Variants in ROCK2 observed in about 807,000 individuals in gnomAD.
The protein encoded by ROCK2 is Rho associated coiled-coil containing protein kinase 2, also known as rho-associated protein kinase 2.
ROCK2 carries 61 observed loss-of-function variants against 195.1 expected under a neutral mutation model. The ratio of observed to expected loss-of-function variants is 0.31; its 90% confidence interval spans 0.25 to 0.39. The LOEUF is 0.39. Among genes scored for constraint, ROCK2 ranks in the 10% least tolerant of loss-of-function variants. ROCK2 has a pLI of 1.00. For synonymous variants in ROCK2, 504 were observed against 545.5 expected (o/e 0.92, Z 1.06); for missense variants, 1,109 against 1,637.4 (o/e 0.68, Z 5.57).
Position 11,192,137 on chromosome 2 carries a change from T to C in ROCK2, c.4163+11A>G, listed in dbSNP as rs748181951. Reference sequence around the variant, plus strand: ...CTTTTTTTTTTTCCTTACCACATTTTAGTTTATTACCTAGGTTTGTTTGGG... The same window carrying C: ...CTTTTTTTTTTTCCTTACCACATTTCAGTTTATTACCTAGGTTTGTTTGGG... On this transcript the variant is annotated intron_variant, in intron 32 of 32. Transcript: ENST00000315872. This position sits in a 1 kb window ranked among gnomAD's most constrained non-coding sequence, Gnocchi z 5.0. 6.5e-7 allele frequency: 1 copy of C among 1,543,568 alleles called. No homozygotes were observed. The highest frequency in any genetic ancestry group is 2.3e-5 in the East Asian group (1 of 44,158).
In ROCK2 at chr2:11,235,352, G is replaced by A. The variant is rs555027437; in HGVS notation, c.723+350C>T. ...AAAAAATGCAGAAGTAACAATGGTG[G>A]TGAAAATACCTATTTACCTTAATTT... On this transcript the variant is annotated intron_variant, in intron 5 of 32. Coordinates refer to ENST00000315872, the MANE Select transcript of ROCK2 (RefSeq NM_004850.5). The surrounding 1 kb of genome is among the most constrained non-coding windows in gnomAD (Gnocchi z 4.2). Among the ~76,000 whole-genome samples, 1 of 152,106 alleles carries A rather than the reference G, an allele frequency of 6.6e-6. No homozygotes were observed. Among genetic ancestry groups the A allele is most frequent in the Non-Finnish European group, 1.5e-5 (1 of 67,988 alleles).
intron 1 of ROCK2, chr2:11,308,172 C>G: frequency 6.3e-7 from 1 of 1,598,834 alleles, no homozygotes; most frequent in Non-Finnish European, 8.6e-7. Flanking sequence ...CCAAGCTCAA[C>G]ACAATAATTC....
chr2:11,259,312 T>C (rs1336763085), intron 3 of ROCK2, among the ~76,000 whole-genome samples: 1 of 148,150 alleles, frequency 6.7e-6, no homozygotes, highest in Middle Eastern at 3.4e-3. Flanking sequence ...GACTGAAGTA[T>C]CTTTGCATTA....
At chr2:11,288,075 G>C (rs1450421798) in intron 1 of ROCK2, among the ~76,000 whole-genome samples, 1 of 152,186 alleles carries the variant, frequency 6.6e-6, no homozygotes, top group Non-Finnish European at 1.5e-5. Flanking sequence ...AAGAAATACA[G>C]CTACACTAAG....
chr2:11,249,770 T>C lies in ROCK2; in HGVS notation c.353A>G (p.Tyr118Cys). ...AAACTTACTAAGAAGCTTCATAGCA[T>C]AAACCTTCTGCGATGCCTTGTGACG... ...LVRHKASQKV[Y>C]AMKLLSKFEM... Residue 118 changes from tyrosine (Y) to cysteine (C), a missense_variant, in exon 4 of 33, where the codon TAT (tyrosine) becomes TGT (cysteine). By Grantham distance (194) the Tyr-to-Cys change is radical. Transcript: ENST00000315872. The C allele has an allele frequency of 6.4e-7, 1 of 1,562,000 alleles. No homozygotes were observed. The highest frequency in any genetic ancestry group is 8.6e-7 in the Non-Finnish European group (1 of 1,160,480).
At chr2:11,313,601 CT>C (rs143725795) in intron 1 of ROCK2, among the ~76,000 whole-genome samples, 6,443 of 151,828 alleles carry the variant, frequency 0.042, 276 homozygotes, top group Non-Finnish European at 0.06. Flanking sequence ...CTGTGTCTGC[CT>C]TTTGGGGCAT....
chr2:11,232,822 A>C (rs1394086118), intron 5 of ROCK2, among the ~76,000 whole-genome samples: 2 of 152,206 alleles, frequency 1.3e-5, no homozygotes, highest in African/African-American at 4.8e-5. Context: ...ATGAACAAGA[A>C]ACCAATTTAA....
Position 11,192,284 on chromosome 2 carries a change from G to A in ROCK2, c.4027C>T (p.Arg1343Trp). The A allele has an allele frequency of 6.2e-7, 1 of 1,613,674 alleles. No homozygotes were observed. The highest frequency in any genetic ancestry group is 8.5e-7 in the Non-Finnish European group (1 of 1,179,904). The stretch of plus-strand genomic sequence containing the variant: ...TTTTTAGGTATCTTTTTCACCAACC[G>A]ACTAACCCACTTCTGCTGCTCTTCT... ...STEEQQKWVS[R>W]LVKKIPKKPP... The change falls in exon 32 of 33, where the codon CGG becomes TGG. Residue 1343 changes from arginine (R) to tryptophan (W), a missense_variant. Arg to Trp is a moderately radical substitution (Grantham distance 101). This residue lies in a region of ROCK2 where 221 missense variants were observed against 355.1 expected (regional missense o/e 0.62). Coordinates refer to ENST00000315872, the MANE Select transcript of ROCK2 (RefSeq NM_004850.5). This position sits in a 1 kb window ranked among gnomAD's most constrained non-coding sequence, Gnocchi z 5.0.
At chr2:11,258,817 A>G (rs1666125470) in intron 3 of ROCK2, among the ~76,000 whole-genome samples, 1 of 151,174 alleles carries the variant, frequency 6.6e-6, no homozygotes, top group South Asian at 2.1e-4. Flanking sequence ...TGAAAGTGTT[A>G]TGAAGAACCC....
intron 15 of ROCK2, 100 bp downstream of exon 15, chr2:11,215,221 A>T: frequency 6.9e-7 from 1 of 1,441,822 alleles, no homozygotes; most frequent in Non-Finnish European, 9.3e-7. Context: ...TGATTTCTAA[A>T]ATTAGAGGTA....
At chr2:11,330,897 G>A (rs1338411847) in intron 1 of ROCK2, among the ~76,000 whole-genome samples, 4 of 91,510 alleles carry the variant, frequency 4.4e-5, no homozygotes, top group African/African-American at 1.3e-4. Context: ...GGAGGAGGGA[G>A]GAGGAAGAGA....
intron 1 of ROCK2, among the ~76,000 whole-genome samples, chr2:11,303,873 A>G (rs1184038597): frequency 6.6e-6 from 1 of 152,172 alleles, no homozygotes; most frequent in East Asian, 1.9e-4. Flanking sequence ...CTTGACCTAT[A>G]AACATCTTTA....
intron 2 of ROCK2, 110 bp from the exon 3 acceptor site, chr2:11,286,749 C>T (rs373059662): frequency 3.1e-6 from 2 of 639,718 alleles, no homozygotes; most frequent in Non-Finnish European, 5.0e-6. Flanking sequence ...TTTAGCTAAA[C>T]TTGCCAGTTT....
At chr2:11,222,452 A>G (rs1664668436) in intron 7 of ROCK2, among the ~76,000 whole-genome samples, 1 of 152,188 alleles carries the variant, frequency 6.6e-6, no homozygotes, top group South Asian at 2.1e-4. Flanking sequence ...AAGACTATCA[A>G]GTAAAAAAAT....
At chr2:11,196,140 G>A (rs754566543) in intron 27 of ROCK2, among the ~76,000 whole-genome samples, 1 of 152,156 alleles carries the variant, frequency 6.6e-6, no homozygotes, top group Non-Finnish European at 1.5e-5. Context: ...TAATTTAGAT[G>A]AGGAAACTGC....
chr2:11,247,914 C>T lies in ROCK2; in HGVS notation c.462+1747G>A, dbSNP rs561949678. Among the ~76,000 whole-genome samples the T allele has an allele frequency of 1.5e-3, 227 of 151,804 alleles. 1 individual carries two copies. The highest frequency in any genetic ancestry group is 5.2e-3 in the African/African-American group (216 of 41,394). On this transcript the variant is annotated intron_variant, in intron 4 of 32. Transcript: ENST00000315872. The stretch of plus-strand genomic sequence containing the variant: ...GTGAGGACCTGTAATCCCAGCTACT[C>T]GGGAGGCTGAGGCAGGAGAATCGCT...
intron 4 of ROCK2, among the ~76,000 whole-genome samples, chr2:11,236,610 C>G (rs565970322): frequency 6.6e-6 from 1 of 152,138 alleles, no homozygotes; most frequent in Admixed American, 6.5e-5. Flanking sequence ...ACTGACCCCC[C>G]AAACAGACAG....
intron 4 of ROCK2, among the ~76,000 whole-genome samples, chr2:11,241,020 A>G (rs189028100): frequency 2.6e-5 from 4 of 152,320 alleles, no homozygotes; most frequent in Non-Finnish European, 5.9e-5. Context: ...TAATCCAGAA[A>G]TAATAATGTA....
At chr2:11,278,380 T>C (rs1435620205) in intron 3 of ROCK2, among the ~76,000 whole-genome samples, 1 of 152,242 alleles carries the variant, frequency 6.6e-6, no homozygotes, top group Admixed American at 6.5e-5. Flanking sequence ...ATCTATGTTG[T>C]TCCAAATGAC....
Sources: allele counts gnomAD v4.1 joint callset (sites outside exome capture counted in the v4.1 genomes callset), GRCh38; gene constraint gnomAD v4.1.1; regional missense constraint gnomAD v4.1.1; non-coding constraint Gnocchi (gnomAD v3.1); transcripts MANE v1.5; gene names NCBI Gene and HGNC (gene_info 2026-07-23, HGNC 2026-07-21).